FAM177B: variants seen among roughly 807,000 people sequenced by gnomAD.
FAM177B encodes family with sequence similarity 177 member B.
FAM177B carries 16 observed loss-of-function variants against 16.1 expected under a neutral mutation model. The observed-to-expected ratio is 0.99, with a 90% CI of 0.67 to 1.51. FAM177B has a LOEUF of 1.51. FAM177B is among the 40% of genes most tolerant of loss of function. The pLI, the probability that FAM177B is intolerant of heterozygous loss-of-function variation, is 0.00. For missense variants in FAM177B, 178 were observed against 183.7 expected (o/e 0.97, Z 0.18); for synonymous variants, 56 against 59.9 (o/e 0.93, Z 0.30).
In FAM177B at chr1:222,746,606, ACTC is replaced by A. The variant is rs750765402; in HGVS notation, c.64_66del (p.Pro22del). ...GAAGAGTGTACCTTCCAAAAAGACT[ACTC>A]CTAAAAGGATTATCCATTTTGTTGA... On this transcript the variant is annotated inframe_deletion, in exon 3 of 6. Transcript: ENST00000445590. 6.2e-7 allele frequency: 1 copy of A among 1,611,682 alleles called. No homozygotes were observed.
At chr1:222,747,979 C>T (rs989458610) in intron 4 of FAM177B, among the ~76,000 whole-genome samples, 2 of 152,156 alleles carry the variant, frequency 1.3e-5, no homozygotes, top group African/African-American at 2.4e-5. Context: ...GGCATGCTGA[C>T]ATGTGGGGGA....
intron 2 of FAM177B, among the ~76,000 whole-genome samples, chr1:222,740,410 G>A (rs1658469121): frequency 6.6e-6 from 1 of 152,064 alleles, no homozygotes; most frequent in African/African-American, 2.4e-5. Context: ...ATTTTGTTTA[G>A]TGTTTCTTTT....
intron 2 of FAM177B, among the ~76,000 whole-genome samples, chr1:222,740,725 A>G (rs1182870847): frequency 6.6e-6 from 1 of 152,182 alleles, no homozygotes; most frequent in African/African-American, 2.4e-5. Context: ...CTTGAGACAG[A>G]GTCTCGCTCT....
chr1:222,744,937 G>A (rs1273770230), intron 2 of FAM177B, among the ~76,000 whole-genome samples: 1 of 152,086 alleles, frequency 6.6e-6, no homozygotes, highest in Non-Finnish European at 1.5e-5. Context: ...TCACTTTATA[G>A]TTAATCTTAA....
At position 222,750,471 on chromosome 1, in the gene FAM177B, A is replaced by G; in HGVS notation, c.*413A>G. 2.0e-6 allele frequency: 2 copies of G among 994,652 alleles called. No homozygotes were observed. Among genetic ancestry groups the G allele is most frequent in the Non-Finnish European group, 2.4e-6 (2 of 836,476 alleles). 61.6% of individuals were successfully genotyped at this position (994,652 alleles called of 1,614,324 possible). ...CCTCAGAAGAAAATTTGGGCACCGCAAAGTCTAAATAAATCCCCTTTCAGG... is the reference window on the plus strand; with the variant it reads ...CCTCAGAAGAAAATTTGGGCACCGCGAAGTCTAAATAAATCCCCTTTCAGG... On this transcript the variant is annotated 3_prime_UTR_variant, in exon 6 of 6. Transcript: ENST00000445590.
intron 2 of FAM177B, among the ~76,000 whole-genome samples, chr1:222,741,057 C>CTT (rs369907456): frequency 0.53 from 43,119 of 82,074 alleles, 13,421 homozygotes; most frequent in Non-Finnish European, 0.62. Context: ...TTTTTGTTTT[C>CTT]TTTTTTTTTT....
At chr1:222,746,214 T>G (rs531808582) in intron 2 of FAM177B, among the ~76,000 whole-genome samples, 1 of 152,258 alleles carries the variant, frequency 6.6e-6, no homozygotes, top group African/African-American at 2.4e-5. Context: ...CTTCTCAATA[T>G]TTATTGAAAT....
In FAM177B at chr1:222,750,100, A is replaced by G; in HGVS notation, c.*42A>G. 2 of 1,595,098 alleles carry G rather than the reference A, an allele frequency of 1.3e-6. No individual in the cohort carries two copies. Among genetic ancestry groups the G allele is most frequent in the Non-Finnish European group, 1.7e-6 (2 of 1,172,700 alleles). On this transcript the variant is annotated 3_prime_UTR_variant, in exon 6 of 6. Transcript: ENST00000445590. ...AGGGTCTGGTGGCAGATCCTAGCTC[A>G]TGATGGCAGCAAAGACTGCAGTTTC... is the stretch of plus-strand genomic sequence containing the variant.
intron 2 of FAM177B, among the ~76,000 whole-genome samples, chr1:222,743,440 G>A (rs775439320): frequency 6.6e-6 from 1 of 152,062 alleles, no homozygotes; most frequent in Non-Finnish European, 1.5e-5. Flanking sequence ...TTACAGGCGT[G>A]AGCCACCACA....
At chr1:222,747,785 A>G (rs925855513) in intron 4 of FAM177B, among the ~76,000 whole-genome samples, 9 of 152,242 alleles carry the variant, frequency 5.9e-5, no homozygotes, top group African/African-American at 2.2e-4. Flanking sequence ...AACATTAGTA[A>G]GTGTCTACTA....
At chr1:222,744,929 A>T (rs1471532336) in intron 2 of FAM177B, among the ~76,000 whole-genome samples, 1 of 152,190 alleles carries the variant, frequency 6.6e-6, no homozygotes, top group East Asian at 1.9e-4. Context: ...TCCCTTTGTC[A>T]CTTTATAGTT....
chr1:222,738,564 CAAA>C (rs71175182), intron 2 of FAM177B, among the ~76,000 whole-genome samples: 1 of 61,844 alleles, frequency 1.6e-5, no homozygotes, highest in African/African-American at 6.8e-5. Context: ...ACAAAAACTG[CAAA>C]AAAAAAAAAA....
At chr1:222,747,149 T>G in intron 4 of FAM177B, 68 bp downstream of exon 4, 1 of 1,060,774 alleles carries the variant, frequency 9.4e-7, no homozygotes, top group Non-Finnish European at 1.5e-6. Context: ...CCTCAGAGTA[T>G]GTGGGACTTC....
chr1:222,748,051 G>T (rs1241190677), intron 4 of FAM177B, among the ~76,000 whole-genome samples: 1 of 152,180 alleles, frequency 6.6e-6, no homozygotes, highest in Non-Finnish European at 1.5e-5. Context: ...CCATGAAAGT[G>T]ACCAGGGAAT....
Position 222,750,528 on chromosome 1 carries a change from C to G in FAM177B, c.*470C>G, listed in dbSNP as rs1393292198. 3 of 985,662 alleles carry G rather than the reference C, an allele frequency of 3.0e-6. No individual in the cohort carries two copies. The highest frequency in any genetic ancestry group is 3.6e-6 in the Non-Finnish European group (3 of 830,122). The allele number at this position is 985,662 out of a possible 1,614,324, so 61.1% of individuals were successfully genotyped here. A position where few individuals can be genotyped will look rare whatever the true frequency, so the allele number is the denominator to read the frequency against. ...TATAGTGTGTACTTCCAACAACCAT[C>G]CTGGCGTAGTTGGGGATTGTTTTAC... On this transcript the variant is annotated 3_prime_UTR_variant, in exon 6 of 6. Transcript: ENST00000445590.
chr1:222,745,612 G>A (rs141472461), intron 2 of FAM177B, among the ~76,000 whole-genome samples: 2 of 150,484 alleles, frequency 1.3e-5, no homozygotes, highest in East Asian at 4.0e-4. Flanking sequence ...GAAAGACTCT[G>A]TCTCTGCAGC....
intron 2 of FAM177B, among the ~76,000 whole-genome samples, chr1:222,738,790 A>C (rs1393201068): frequency 1.3e-5 from 2 of 152,210 alleles, no homozygotes; most frequent in Admixed American, 1.3e-4. Context: ...CAAACTGTTC[A>C]CTATTGAGAC....
At chr1:222,744,486 A>C (rs1012354226) in intron 2 of FAM177B, among the ~76,000 whole-genome samples, 1 of 152,064 alleles carries the variant, frequency 6.6e-6, no homozygotes. Context: ...AAAAAAAAAA[A>C]AAAGGCAAAA....
chr1:222,744,364 C>A (rs943554864), intron 2 of FAM177B, among the ~76,000 whole-genome samples: 30 of 151,066 alleles, frequency 2.0e-4, no homozygotes, highest in African/African-American at 7.1e-4. Flanking sequence ...CCCAGCTATT[C>A]AGGAGGCTGA....
Sources: allele counts gnomAD v4.1 joint callset (sites outside exome capture counted in the v4.1 genomes callset), GRCh38; gene constraint gnomAD v4.1.1; transcripts MANE v1.5; gene names NCBI Gene and HGNC (gene_info 2026-07-23, HGNC 2026-07-21).